CLTCL1: variants seen among roughly 807,000 people sequenced by gnomAD.
CLTCL1 encodes clathrin heavy chain 2.
A neutral mutation model predicts 190.0 loss-of-function variants in CLTCL1; 159 were observed. That is an observed-to-expected ratio of 0.84 (90% CI 0.74 to 0.95). CLTCL1 has a LOEUF of 0.95. CLTCL1 is among the 40% of genes least tolerant of loss of function. The pLI is 0.00. For synonymous variants in CLTCL1, 752 were observed against 769.6 expected, an observed-to-expected ratio of 0.98 and a Z score of 0.38; for missense variants, 1,878 against 2,033.4, an observed-to-expected ratio of 0.92 and a Z score of 1.47.
intron 3 of CLTCL1, among the ~76,000 whole-genome samples, chr22:19,244,327 A>G (rs897359404): frequency 3.9e-5 from 6 of 152,252 alleles, no homozygotes; most frequent in Non-Finnish European, 8.8e-5. Context: ...CTAAGGAAAG[A>G]AGCCAGGCAT....
At position 19,183,504 on chromosome 22, in the gene CLTCL1, G is replaced by A; in HGVS notation, c.4713C>T (p.Phe1571=). 6.2e-7 allele frequency: 1 copy of A among 1,613,808 alleles called. No individual in the cohort carries two copies. The highest frequency in any genetic ancestry group is 8.5e-7 in the Non-Finnish European group (1 of 1,179,890). ...GKRECFAACL[F]TCYDLLRPDM... ...CTGGGCGAAGCAGGTCATAGCAGGTGAAGAGACAAGCTGCGAAGCACTCCC... is the reference window on the plus strand; with the variant it reads ...CTGGGCGAAGCAGGTCATAGCAGGTAAAGAGACAAGCTGCGAAGCACTCCC... Residue 1571 remains phenylalanine, a synonymous_variant, in exon 30 of 33, where the codon TTC becomes TTT. Coordinates refer to ENST00000427926, the MANE Select transcript of CLTCL1 (RefSeq NM_007098.4).
chr22:19,206,226 T>TTTTG (rs1437876903), intron 22 of CLTCL1, among the ~76,000 whole-genome samples: 1 of 151,566 alleles, frequency 6.6e-6, no homozygotes, highest in Non-Finnish European at 1.5e-5. Context: ...CTTGTTTTCT[T>TTTTG]TTTGTTTGTT....
intron 2 of CLTCL1, 109 bp from the exon 3 acceptor site, chr22:19,254,336 C>T: frequency 2.2e-6 from 2 of 917,562 alleles, no homozygotes; most frequent in Non-Finnish European, 3.2e-6. Context: ...GGTTGTACTG[C>T]TAATCTGATT....
At position 19,216,170 on chromosome 22, in the gene CLTCL1, A is replaced by T. The variant is rs113436111; in HGVS notation, c.3006T>A (p.Asn1002Lys). Residue 1002 changes from asparagine (N) to lysine (K), a missense_variant, in exon 19 of 33, where the codon AAT (asparagine) becomes AAA (lysine). Transcript: ENST00000427926. Reference protein sequence around the residue: ...VKAFMTADLPNELIELLEKIV... With the variant: ...VKAFMTADLPKELIELLEKIV... ...TCTTCTCCAGCAGTTCAATCAGTTC[A>T]TTAGGCAGGTCGGCTGTCATAAAGG... The T allele has an allele frequency of 5.0e-6, 8 of 1,614,012 alleles. No homozygotes were observed. The highest frequency in any genetic ancestry group is 5.9e-6 in the Non-Finnish European group (7 of 1,179,866).
intron 2 of CLTCL1, among the ~76,000 whole-genome samples, chr22:19,272,247 G>A (rs1443440046): frequency 6.6e-6 from 1 of 152,118 alleles, no homozygotes; most frequent in Non-Finnish European, 1.5e-5. Flanking sequence ...TTAAGTCAAA[G>A]GCAAAATGTA....
intron 2 of CLTCL1, among the ~76,000 whole-genome samples, chr22:19,271,919 C>A (rs2087333627): frequency 6.6e-6 from 1 of 152,126 alleles, no homozygotes; most frequent in Non-Finnish European, 1.5e-5. Flanking sequence ...TCAGCCTGGG[C>A]AACATAGTCA....
chr22:19,262,757 A>G (rs1047202889), intron 2 of CLTCL1, among the ~76,000 whole-genome samples: 1 of 150,106 alleles, frequency 6.7e-6, no homozygotes, highest in African/African-American at 2.5e-5. Context: ...GCAGCTGGGT[A>G]CAGTGGCTCA....
chr22:19,201,297 C>A (rs782483252), intron 23 of CLTCL1, 32 bp downstream of exon 23: 10 of 1,586,228 alleles, frequency 6.3e-6, no homozygotes, highest in Non-Finnish European at 7.7e-6. Context: ...CTGTCCAGCA[C>A]ACTCTGCCGT....
At chr22:19,191,556 G>C (rs2084506536) in intron 26 of CLTCL1, 121 bp from the exon 27 acceptor site, 2 of 1,187,686 alleles carry the variant, frequency 1.7e-6, no homozygotes, top group African/African-American at 1.5e-5. Flanking sequence ...CCCCCTATAA[G>C]ACTCAATGGC....
At chr22:19,253,570 TC>T (rs1447676126) in intron 3 of CLTCL1, among the ~76,000 whole-genome samples, 1 of 152,230 alleles carries the variant, frequency 6.6e-6, no homozygotes, top group Non-Finnish European at 1.5e-5. Context: ...ACAATGAACA[TC>T]AGTAACCTGA....
At chr22:19,217,615 CAAAA>C (rs71184793) in intron 18 of CLTCL1, among the ~76,000 whole-genome samples, 64 of 34,764 alleles carry the variant, frequency 1.8e-3, no homozygotes, top group African/African-American at 3.4e-3. Flanking sequence ...GACTCTGTCT[CAAAA>C]AAAAAAAAAA....
intron 16 of CLTCL1, 102 bp from the exon 17 acceptor site, chr22:19,221,713 A>G (rs1357477836): frequency 4.4e-6 from 5 of 1,126,868 alleles, no homozygotes; most frequent in Admixed American, 2.5e-5. Flanking sequence ...AAAAAATCTC[A>G]GAGTCCATTG....
intron 11 of CLTCL1, among the ~76,000 whole-genome samples, chr22:19,228,212 T>C (rs2085812339): frequency 6.6e-6 from 1 of 152,224 alleles, no homozygotes; most frequent in Non-Finnish European, 1.5e-5. Context: ...GAGTCTCCTA[T>C]CCTTTGTTTC....
intron 2 of CLTCL1, among the ~76,000 whole-genome samples, chr22:19,259,830 G>A (rs2086886002): frequency 6.6e-6 from 1 of 152,194 alleles, no homozygotes; most frequent in South Asian, 2.1e-4. Flanking sequence ...TAAGTCAAAA[G>A]TTAGGAATGA....
Position 19,225,497 on chromosome 22 carries a change from G to A in CLTCL1, c.2084C>T (p.Thr695Met), listed in dbSNP as rs536719764. The A allele has an allele frequency of 2.3e-5, 37 of 1,588,082 alleles. No homozygotes were observed. The South Asian group carries it at 2.4e-4, about 10-fold the overall frequency. ...TTCAAAGAGCTCCACCAGGGCCTGC[G>A]TGCCCAGCTGCTCGTGGTACTTAGA... ...VASKYHEQLG[T>M]QALVELFESF... The change falls in exon 13 of 33, where the codon ACG becomes ATG. Residue 695 changes from threonine (T) to methionine (M), a missense_variant. Coordinates refer to ENST00000427926, the MANE Select transcript of CLTCL1 (RefSeq NM_007098.4).
rs2087479201 is a variant in CLTCL1 at position 19,275,728 on chromosome 22, G to A, written c.145C>T (p.Gln49Ter). The A allele has an allele frequency of 1.2e-6, 2 of 1,608,654 alleles. No individual in the cohort carries two copies. The highest frequency in any genetic ancestry group is 1.3e-5 in the African/African-American group (1 of 74,864). The change falls in exon 2 of 33, where the codon CAG becomes TAG. Residue 49 changes from glutamine (Q) to a stop codon, truncating the protein, a stop_gained. Coordinates refer to ENST00000427926, the MANE Select transcript of CLTCL1 (RefSeq NM_007098.4). LOFTEE classifies it high-confidence loss of function. ...CIREKVGEQA[Q>*]VTIIDMSDPM... is the part of the protein sequence containing the mutation. Reference sequence around the variant, plus strand: ...TCACTCATGTCAATGATCGTGACCTGTGCCTGCTCACCAACTTTCTCTCGG... The same window carrying A: ...TCACTCATGTCAATGATCGTGACCTATGCCTGCTCACCAACTTTCTCTCGG...
chr22:19,266,104 A>AACTTCTGGTCCCAAGTGATCCTGTC (rs142516202), intron 2 of CLTCL1, among the ~76,000 whole-genome samples: 6,455 of 151,966 alleles, frequency 0.042, 230 homozygotes, highest in East Asian at 0.14. Context: ...GCTGGTCTTG[A>AACTTCTGGTCCCAAGTGATCCTGTC]ACTTCTGGTC....
chr22:19,267,627 C>T (rs2087160778), intron 2 of CLTCL1, among the ~76,000 whole-genome samples: 2 of 152,290 alleles, frequency 1.3e-5, no homozygotes, highest in Middle Eastern at 6.8e-3. Context: ...GGCACAGTGG[C>T]TCACACCTGT....
chr22:19,234,070 C>T (rs1254407805), intron 7 of CLTCL1, among the ~76,000 whole-genome samples: 1 of 152,084 alleles, frequency 6.6e-6, no homozygotes, highest in African/African-American at 2.4e-5. Flanking sequence ...ACAATTTATC[C>T]AAATGAAATA....
Sources: allele counts gnomAD v4.1 joint callset (sites outside exome capture counted in the v4.1 genomes callset), GRCh38; gene constraint gnomAD v4.1.1; transcripts MANE v1.5; gene names NCBI Gene and HGNC (gene_info 2026-07-23, HGNC 2026-07-21).